The following TMEFF2 variants were observed in gnomAD, a reference collection of about 807,000 sequenced individuals.
TMEFF2 encodes the protein tomoregulin-2.
TMEFF2 carries 28 observed loss-of-function variants against 53.8 expected under a neutral mutation model. The observed-to-expected ratio is 0.52, with a 90% CI of 0.39 to 0.71. TMEFF2 has a LOEUF of 0.71. TMEFF2 is among the 30% of genes least tolerant of loss of function. The probability of loss-of-function intolerance (pLI) is 0.00; values close to 1 mark genes in which losing one functional copy is unlikely to be tolerated. For synonymous variants in TMEFF2, 162 were observed against 166.3 expected (o/e 0.97, Z 0.20); for missense variants, 353 against 455.2 (o/e 0.78, Z 2.04).
In TMEFF2 at chr2:191,949,627, C is replaced by T; in HGVS notation, c.*684G>A. 2.0e-6 allele frequency: 2 copies of T among 985,268 alleles called. No individual in the cohort carries two copies. The highest frequency in any genetic ancestry group is 6.1e-5 in the Admixed American group (1 of 16,272). The allele number at this position is 985,268 out of a possible 1,614,324, so 61.0% of individuals were successfully genotyped here. The stretch of plus-strand genomic sequence containing the variant: ...AACTGGGGGATTCTAAGCTACTTCC[C>T]CAATAAAAACCAATATTTTCTTTCC... On this transcript the variant is annotated 3_prime_UTR_variant, in exon 10 of 10. Transcript: ENST00000272771.
intron 4 of TMEFF2, among the ~76,000 whole-genome samples, chr2:192,061,526 G>T (rs539903995): frequency 6.6e-6 from 1 of 152,224 alleles, no homozygotes; most frequent in East Asian, 1.9e-4. Flanking sequence ...TATCATCAGG[G>T]ACTTGAGCAT....
intron 5 of TMEFF2, among the ~76,000 whole-genome samples, chr2:192,033,896 C>T (rs963544774): frequency 2.0e-5 from 3 of 151,802 alleles, no homozygotes; most frequent in Admixed American, 6.6e-5. Context: ...CTTTTTTTGG[C>T]CAGGCATGGT....
chr2:191,968,266 T>C (rs764831979), intron 7 of TMEFF2, among the ~76,000 whole-genome samples: 7 of 152,206 alleles, frequency 4.6e-5, no homozygotes, highest in Non-Finnish European at 1.0e-4. Context: ...ACTGGTGATA[T>C]CTATATCAGC....
At chr2:192,010,904 T>A (rs533625677) in intron 5 of TMEFF2, among the ~76,000 whole-genome samples, 221 of 152,330 alleles carry the variant, frequency 1.5e-3, no homozygotes, top group African/African-American at 4.4e-3. Flanking sequence ...CAAGAGGACA[T>A]GTAAATCCTT....
At chr2:192,150,853 T>C (rs1270359705) in intron 4 of TMEFF2, among the ~76,000 whole-genome samples, 1 of 151,846 alleles carries the variant, frequency 6.6e-6, no homozygotes, top group Non-Finnish European at 1.5e-5. Context: ...TTCTCTGTGG[T>C]TGGAGATGAG....
chr2:191,970,680 G>C (rs1692612382), intron 7 of TMEFF2, among the ~76,000 whole-genome samples: 1 of 152,076 alleles, frequency 6.6e-6, no homozygotes, highest in South Asian at 2.1e-4. Context: ...TGGTAATTTT[G>C]TTATGGCAGC....
intron 4 of TMEFF2, among the ~76,000 whole-genome samples, chr2:192,141,340 T>C (rs1690133023): frequency 6.6e-6 from 1 of 151,630 alleles, no homozygotes; most frequent in South Asian, 2.1e-4. Flanking sequence ...GTAATCCCAG[T>C]TACTCCAGAG....
At chr2:192,150,961 G>C (rs901898232) in intron 4 of TMEFF2, among the ~76,000 whole-genome samples, 2 of 151,754 alleles carry the variant, frequency 1.3e-5, no homozygotes, top group Non-Finnish European at 2.9e-5. Context: ...ATCTCATCTC[G>C]AATTGTAATC....
At chr2:191,955,479 C>G (rs986597374) in intron 8 of TMEFF2, among the ~76,000 whole-genome samples, 1 of 145,598 alleles carries the variant, frequency 6.9e-6, no homozygotes, top group African/African-American at 2.6e-5. Flanking sequence ...TCTCAAGTAG[C>G]TCCTGGACTA....
At chr2:192,005,230 A>G (rs1051553083) in intron 5 of TMEFF2, among the ~76,000 whole-genome samples, 37 of 152,234 alleles carry the variant, frequency 2.4e-4, no homozygotes, top group African/African-American at 8.9e-4. Context: ...AGTAAAAGGT[A>G]GCATTTGAGA....
intron 5 of TMEFF2, among the ~76,000 whole-genome samples, chr2:191,999,411 C>T (rs559056810): frequency 5.0e-4 from 34 of 67,602 alleles, no homozygotes; most frequent in Admixed American, 1.8e-3. Flanking sequence ...AACAACTGAG[C>T]AATGGATAAA....
chr2:192,053,868 A>G (rs948736418), intron 5 of TMEFF2, among the ~76,000 whole-genome samples: 2 of 152,090 alleles, frequency 1.3e-5, no homozygotes, highest in African/African-American at 4.8e-5. Flanking sequence ...GCTGTTTCCA[A>G]TCTGCCCTTC....
intron 4 of TMEFF2, among the ~76,000 whole-genome samples, chr2:192,170,462 TCTC>T (rs1460248525): frequency 6.6e-6 from 1 of 151,984 alleles, no homozygotes; most frequent in African/African-American, 2.4e-5. Context: ...ATGGGTTCCC[TCTC>T]CAACTGATTC....
rs146337478 is a variant in TMEFF2 at position 192,089,931 on chromosome 2, G to A, written c.440-32156C>T. Reference sequence around the variant, plus strand: ...CTCATAAGCATATTCTTTTCTCCACGCATTGACTTCCCTATGTAAGATGAC... The same window carrying A: ...CTCATAAGCATATTCTTTTCTCCACACATTGACTTCCCTATGTAAGATGAC... On this transcript the variant is annotated intron_variant, in intron 4 of 9. Coordinates refer to ENST00000272771, the MANE Select transcript of TMEFF2 (RefSeq NM_016192.4). Among the ~76,000 whole-genome samples, 8 of 152,104 alleles carry A rather than the reference G, an allele frequency of 5.3e-5. No individual in the cohort carries two copies. The East Asian group carries it at 5.8e-4, about 11-fold the overall frequency.
intron 4 of TMEFF2, among the ~76,000 whole-genome samples, chr2:192,137,077 T>C (rs544784713): frequency 2.0e-5 from 3 of 152,240 alleles, no homozygotes; most frequent in Non-Finnish European, 4.4e-5. Context: ...TATATCCATG[T>C]CCCTTTTTAA....
rs181992537 is a variant in TMEFF2 at position 192,049,932 on chromosome 2, C to T, written c.536+7747G>A. 6.3e-3 allele frequency among the ~76,000 whole-genome samples: 957 copies of T among 152,190 alleles called. 8 individuals carry two copies. Among genetic ancestry groups the T allele is most frequent in the Non-Finnish European group, 0.01 (699 of 68,004 alleles). On this transcript the variant is annotated intron_variant, in intron 5 of 9. Transcript: ENST00000272771. ...AGGGGAATGGTGTGAACCTGGAAGG[C>T]GGAGCTTGCAGTGAGCTGAGATAGC...
intron 4 of TMEFF2, among the ~76,000 whole-genome samples, chr2:192,159,422 C>T (rs1431984488): frequency 6.6e-6 from 1 of 152,132 alleles, no homozygotes; most frequent in Non-Finnish European, 1.5e-5. Context: ...TTTAGTTCAA[C>T]ATGACTCATC....
intron 5 of TMEFF2, among the ~76,000 whole-genome samples, chr2:192,048,367 C>CACACACACAT (rs2105893490): frequency 6.6e-6 from 1 of 150,692 alleles, no homozygotes; most frequent in East Asian, 1.9e-4. Context: ...ATAAAACACA[C>CACACACACAT]ACACACACAC....
At chr2:192,081,329 T>C (rs1421643316) in intron 4 of TMEFF2, among the ~76,000 whole-genome samples, 1 of 152,040 alleles carries the variant, frequency 6.6e-6, no homozygotes, top group Admixed American at 6.6e-5. Context: ...CATGAAAATT[T>C]GTTTCATACT....
Sources: gnomAD v4.1 joint callset for allele counts (sites outside exome capture counted in the v4.1 genomes callset) on GRCh38, gnomAD v4.1.1 for gene constraint, MANE v1.5 for transcripts, NCBI Gene and HGNC (gene_info 2026-07-23, HGNC 2026-07-21) for gene names.